AGBL1: variants seen among roughly 807,000 people sequenced by gnomAD.
The protein encoded by AGBL1 is cytosolic carboxypeptidase 4.
In AGBL1, 130 loss-of-function variants were observed where a neutral mutation model predicts 118.9. That is an observed-to-expected ratio of 1.09 (90% CI 0.95 to 1.26). The LOEUF is 1.26. Among genes scored for constraint, AGBL1 ranks in the 50% most tolerant of loss-of-function variants. The pLI is 0.00. For synonymous variants in AGBL1, 555 were observed against 478.9 expected, an observed-to-expected ratio of 1.16 and a Z score of -2.08; for missense variants, 1,584 against 1,298.1, an observed-to-expected ratio of 1.22 and a Z score of -3.38.
intron 22 of AGBL1, among the ~76,000 whole-genome samples, chr15:86,820,910 G>A (rs758551400): frequency 6.6e-6 from 1 of 152,130 alleles, no homozygotes; most frequent in Non-Finnish European, 1.5e-5. Context: ...ATTCACAATA[G>A]CAAGGACTTG....
intron 16 of AGBL1, among the ~76,000 whole-genome samples, chr15:86,284,501 T>C (rs2079410284): frequency 6.6e-6 from 1 of 152,214 alleles, no homozygotes; most frequent in East Asian, 1.9e-4. Context: ...GCCTGTAGCA[T>C]ATTCTTGTAC....
At chr15:86,491,407 T>C (rs1344019485) in intron 18 of AGBL1, among the ~76,000 whole-genome samples, 1 of 152,144 alleles carries the variant, frequency 6.6e-6, no homozygotes, top group African/African-American at 2.4e-5. Context: ...TAGGCCTTGC[T>C]AAGGGATCCT....
At chr15:86,884,886 T>C (rs2141541202) in intron 22 of AGBL1, among the ~76,000 whole-genome samples, 1 of 152,300 alleles carries the variant, frequency 6.6e-6, no homozygotes, top group African/African-American at 2.4e-5. Flanking sequence ...ACAAAATGCC[T>C]CTCAGCGAGC....
At chr15:86,815,912 G>A (rs894441896) in intron 22 of AGBL1, among the ~76,000 whole-genome samples, 7 of 152,148 alleles carry the variant, frequency 4.6e-5, no homozygotes, top group African/African-American at 1.4e-4. Context: ...CTTTGGGGAA[G>A]GAAACGGTGG....
rs111876399 is a variant in AGBL1 at position 86,673,818 on chromosome 15, A to G, written c.2995-455A>G. ...TAAAGTTTCAGTGTTCAGTATTTAT[A>G]TATGAAATATTTCCCCTACTTTTCT... is the stretch of plus-strand genomic sequence containing the variant. On this transcript the variant is annotated intron_variant, in intron 21 of 22. Transcript: ENST00000614907. Among the ~76,000 whole-genome samples, 1,153 of 152,312 alleles carry G rather than the reference A, an allele frequency of 7.6e-3. 10 individuals are homozygous for G. The highest frequency in any genetic ancestry group is 0.012 in the Non-Finnish European group (816 of 68,032).
At chr15:86,786,746 C>CATT (rs1377465350) in intron 22 of AGBL1, among the ~76,000 whole-genome samples, 1 of 152,166 alleles carries the variant, frequency 6.6e-6, no homozygotes, top group African/African-American at 2.4e-5. Flanking sequence ...GAGACATATG[C>CATT]ATGTTGCTAC....
chr15:86,288,632 A>T, intron 16 of AGBL1, among the ~76,000 whole-genome samples: 1 of 152,148 alleles, frequency 6.6e-6, no homozygotes, highest in East Asian at 1.9e-4. Context: ...TAATAGCTCT[A>T]TGTATGATCA....
intron 17 of AGBL1, among the ~76,000 whole-genome samples, chr15:86,300,295 A>G (rs2079725679): frequency 6.6e-6 from 1 of 152,148 alleles, no homozygotes; most frequent in Non-Finnish European, 1.5e-5. Flanking sequence ...GAGAAAGTTG[A>G]GTCCCATTTT....
At chr15:86,307,167 G>A (rs1025143910) in intron 17 of AGBL1, among the ~76,000 whole-genome samples, 6 of 152,134 alleles carry the variant, frequency 3.9e-5, no homozygotes, top group Admixed American at 1.3e-4. Flanking sequence ...TTTTGGGGGC[G>A]TGACTCAGGT....
chr15:86,608,105 G>A (rs1191154754), intron 21 of AGBL1, among the ~76,000 whole-genome samples: 1 of 152,150 alleles, frequency 6.6e-6, no homozygotes, highest in Non-Finnish European at 1.5e-5. Context: ...TTTTAATGCA[G>A]TATTTTTAAA....
At chr15:86,100,912 T>C (rs1397281431) in intron 1 of AGBL1, among the ~76,000 whole-genome samples, 2 of 152,162 alleles carry the variant, frequency 1.3e-5, no homozygotes, top group Non-Finnish European at 2.9e-5. Flanking sequence ...CTACTCATTC[T>C]GGGTTCGTTC....
intron 1 of AGBL1, among the ~76,000 whole-genome samples, chr15:86,089,726 G>A (rs1433544029): frequency 4.0e-5 from 6 of 151,688 alleles, no homozygotes; most frequent in South Asian, 2.1e-4. Context: ...CTACAGTTTC[G>A]ACCCAGAGCA....
At chr15:86,593,331 C>G (rs1274070986) in intron 21 of AGBL1, among the ~76,000 whole-genome samples, 1 of 151,308 alleles carries the variant, frequency 6.6e-6, no homozygotes, top group Admixed American at 6.6e-5. Flanking sequence ...ACTTAGAAAC[C>G]AAGATCTGTG....
In AGBL1 at chr15:86,885,595, C is replaced by T. The variant is rs1267243641; in HGVS notation, c.3159-21492C>T. ...CCAATGATGTTTATAGTACTAGCAT[C>T]TATGGCCATGCTACCTGACTGTAAT... is the stretch of plus-strand genomic sequence containing the variant. On this transcript the variant is annotated intron_variant, in intron 22 of 22. Coordinates refer to ENST00000614907, the MANE Select transcript of AGBL1 (RefSeq NM_001386094.1). Among the ~76,000 whole-genome samples, 8 of 152,170 alleles carry T rather than the reference C, an allele frequency of 5.3e-5. 1 individual carries two copies. Among genetic ancestry groups the T allele is most frequent in the East Asian group, 3.8e-4 (2 of 5,204 alleles).
At chr15:86,710,276 T>C (rs544524743) in intron 22 of AGBL1, among the ~76,000 whole-genome samples, 1 of 152,246 alleles carries the variant, frequency 6.6e-6, no homozygotes, top group African/African-American at 2.4e-5. Flanking sequence ...CATGTTGGGG[T>C]GATGCACGTG....
intron 18 of AGBL1, among the ~76,000 whole-genome samples, chr15:86,441,608 A>G (rs111458283): frequency 4.6e-5 from 7 of 152,362 alleles, no homozygotes; most frequent in African/African-American, 1.7e-4. Context: ...TATTCCTAAA[A>G]GGACTAAATG....
intron 23 of AGBL1, chr15:86,939,551 A>G (rs143954510): frequency 6.6e-6 from 1 of 152,190 alleles, no homozygotes; most frequent in Admixed American, 6.5e-5. Flanking sequence ...TCACCTCGTG[A>G]TCGTGTGGGT....
At position 86,546,124 on chromosome 15, in the gene AGBL1, C is replaced by G. The variant is rs776844029; in HGVS notation, c.2808C>G (p.Val936=). 1 of 1,612,036 alleles carries G rather than the reference C, an allele frequency of 6.2e-7. No individual in the cohort carries two copies. The highest frequency in any genetic ancestry group is 8.5e-7 in the Non-Finnish European group (1 of 1,178,714). ...TVGTSTILEE[V]NYRTLPKILD... ...GCACATCTACTATCCTAGAGGAGGT[C>G]AACTACAGGGTAAGCCGCTGTGGGG... is the stretch of plus-strand genomic sequence containing the variant. The change falls in exon 20 of 23, where the codon GTC becomes GTG. Residue 936 remains valine (V), a synonymous_variant. Coordinates refer to ENST00000614907, the MANE Select transcript of AGBL1 (RefSeq NM_001386094.1).
At chr15:86,941,900 G>A (rs546946464) in intron 23 of AGBL1, among the ~76,000 whole-genome samples, 15 of 152,188 alleles carry the variant, frequency 9.9e-5, no homozygotes, top group Admixed American at 2.0e-4. Flanking sequence ...GCCTTGTAGT[G>A]AATTAGTGCT....
Sources: gnomAD v4.1 joint callset for allele counts (sites outside exome capture counted in the v4.1 genomes callset) on GRCh38, gnomAD v4.1.1 for gene constraint, MANE v1.5 for transcripts, NCBI Gene and HGNC (gene_info 2026-07-23, HGNC 2026-07-21) for gene names.